STARD8: variants seen among roughly 807,000 people sequenced by gnomAD.
STARD8 encodes the protein stAR-related lipid transfer protein 8.
In STARD8, 25 loss-of-function variants were observed where a neutral mutation model predicts 69.4. The observed-to-expected ratio is 0.36, with a 90% confidence interval of 0.26 to 0.50. STARD8 has a LOEUF of 0.50. STARD8 is among the 20% of genes least tolerant of loss of function. The pLI is 0.96. For synonymous variants in STARD8, 389 were observed against 374.6 expected (o/e 1.04, Z -0.45); for missense variants, 921 against 932.5 (o/e 0.99, Z 0.16).
intron 2 of STARD8, among the ~76,000 whole-genome samples, chrX:68,697,631 G>A (rs778543489): frequency 2.7e-5 from 3 of 112,409 alleles, no homozygotes; most frequent in Admixed American, 9.3e-5. Context: ...CAGGATGAAC[G>A]TCTTTCCCAG....
intron 2 of STARD8, among the ~76,000 whole-genome samples, chrX:68,687,952 G>C (rs1309622120): frequency 8.9e-6 from 1 of 112,712 alleles, no homozygotes; most frequent in East Asian, 2.8e-4. Flanking sequence ...CAGGTACCCA[G>C]GCTGTGGGCC....
At chrX:68,716,978 G>C (rs1364579094) in intron 5 of STARD8, among the ~76,000 whole-genome samples, 1 of 111,669 alleles carries the variant, frequency 9.0e-6, no homozygotes, top group East Asian at 2.8e-4. Flanking sequence ...ATTGGAAGGG[G>C]GGTTAGATTA....
Position 68,720,433 on chromosome X carries a change from C to G in STARD8, c.2049+10C>G. 8.6e-7 allele frequency: 1 copy of G among 1,159,407 alleles called. No individual in the cohort carries two copies. ...CCAGTGCCTGGACCAAGTGAGCCCT[C>G]GTGGGGCAGCCTGCCGGGAGATGGT... On this transcript the variant is annotated intron_variant, in intron 8 of 14. Transcript: ENST00000374599.
At chrX:68,653,012 C>A (rs1044868510) in intron 1 of STARD8, among the ~76,000 whole-genome samples, 2 of 3,965 alleles carry the variant, frequency 5.0e-4, no homozygotes, top group African/African-American at 7.7e-4. Context: ...CACACACCAC[C>A]ACACACACAC....
At position 68,721,543 on chromosome X, in the gene STARD8, C is replaced by T; in HGVS notation, c.2256C>T (p.Pro752=). ...TCCATTGCTTCCTCACAGTCCTCCC[C>T]AAGGATCAGTGGTTGGCAGCAGCAC... is the stretch of plus-strand genomic sequence containing the variant. ...TTFLQIYQLL[P]KDQWLAAAQA... Residue 752 remains proline (P), a synonymous_variant, in exon 10 of 15, where the codon CCC becomes CCT. Coordinates refer to ENST00000374599, the MANE Select transcript of STARD8 (RefSeq NM_001142503.3). 1 of 1,211,458 alleles carries T rather than the reference C, an allele frequency of 8.3e-7. No individual in the cohort carries two copies. The highest frequency in any genetic ancestry group is 1.1e-6 in the Non-Finnish European group (1 of 895,312).
chrX:68,652,795 C>A (rs1264600455), intron 1 of STARD8, among the ~76,000 whole-genome samples: 1 of 64,794 alleles, frequency 1.5e-5, no homozygotes, highest in Non-Finnish European at 3.0e-5. Flanking sequence ...CACACACACA[C>A]ACCACACACC....
chrX:68,711,222 GCACACACACACA>G (rs60571538), intron 2 of STARD8, among the ~76,000 whole-genome samples: 1 of 101,826 alleles, frequency 9.8e-6, no homozygotes, highest in African/African-American at 3.6e-5. Flanking sequence ...ATGTATGCAT[GCACACACACACA>G]CACACACACA....
At chrX:68,662,863 A>G (rs2079660060) in intron 1 of STARD8, among the ~76,000 whole-genome samples, 1 of 112,434 alleles carries the variant, frequency 8.9e-6, no homozygotes, top group Non-Finnish European at 1.9e-5. Context: ...TTGTGCATGT[A>G]ATCGACTCCC....
At chrX:68,723,886 G>A in intron 13 of STARD8, 43 bp downstream of exon 13, 1 of 1,206,443 alleles carries the variant, frequency 8.3e-7, no homozygotes. Flanking sequence ...TGGGGGGCCG[G>A]AGAAGTGGGG....
chrX:68,718,447 T>C lies in STARD8; in HGVS notation c.1533T>C (p.Ser511=), dbSNP rs201764781. 1.4e-5 allele frequency: 17 copies of C among 1,210,515 alleles called. No individual in the cohort carries two copies. In the African/African-American group the frequency reaches 2.3e-4, roughly 16 times the overall value. The change falls in exon 6 of 15, where the codon TCT becomes TCC. Residue 511 remains serine, a synonymous_variant. Transcript: ENST00000374599. ...CAGGCGGGGAACCCACCTTTGCCTC[T>C]AGCCTGTCTGTGGAAGAAGGACACT... is the stretch of plus-strand genomic sequence containing the variant. ...AHSGGEPTFA[S]SLSVEEGHSI... is the part of the protein sequence containing the mutation.
At chrX:68,697,048 A>G (rs1020652321) in intron 2 of STARD8, among the ~76,000 whole-genome samples, 2 of 111,905 alleles carry the variant, frequency 1.8e-5, no homozygotes, top group Non-Finnish European at 3.8e-5. Flanking sequence ...CCATACTCTT[A>G]TCTACATCAT....
intron 1 of STARD8, among the ~76,000 whole-genome samples, chrX:68,660,123 G>A (rs2079635298): frequency 9.0e-6 from 1 of 110,883 alleles, no homozygotes. Context: ...CCCTTGGGGG[G>A]AGACAGAGGG....
At chrX:68,679,941 T>A (rs760602762) in intron 2 of STARD8, among the ~76,000 whole-genome samples, 1 of 111,634 alleles carries the variant, frequency 9.0e-6, no homozygotes, top group Non-Finnish European at 1.9e-5. Flanking sequence ...AGGGGTAGAC[T>A]TGACGCTCCG....
intron 1 of STARD8, among the ~76,000 whole-genome samples, chrX:68,652,823 A>C (rs1379580030): frequency 2.6e-4 from 8 of 30,983 alleles, no homozygotes; most frequent in Non-Finnish European, 3.5e-4. Context: ...CACCCCACAC[A>C]CCCCACACCC....
rs771893405 is a variant in STARD8 at position 68,697,346 on chromosome X, AAG to A, written c.80-15563_80-15562del. Among the ~76,000 whole-genome samples the A allele has an allele frequency of 9.5e-4, 106 of 112,099 alleles. 1 individual carries two copies. Among genetic ancestry groups the A allele is most frequent in the Non-Finnish European group, 1.5e-3 (78 of 53,171 alleles). On this transcript the variant is annotated intron_variant, in intron 2 of 14. Coordinates refer to ENST00000374599, the MANE Select transcript of STARD8 (RefSeq NM_001142503.3). ...CAGTGGCATTTGAGCTGAACCTTGG[AAG>A]AGAGGCCCAGGAAAGGTCCCAGCCC... is the stretch of plus-strand genomic sequence containing the variant.
At chrX:68,723,472 G>A (rs1286745602) in intron 12 of STARD8, among the ~76,000 whole-genome samples, 154 bp from the exon 13 acceptor site, 4 of 112,517 alleles carry the variant, frequency 3.6e-5, no homozygotes, top group African/African-American at 1.3e-4. Flanking sequence ...GGGAGCATGG[G>A]AGCACTGTCT....
Position 68,712,172 on chromosome X carries a change from T to C in STARD8, c.80-742T>C, listed in dbSNP as rs185257980. On this transcript the variant is annotated intron_variant, in intron 2 of 14. Coordinates refer to ENST00000374599, the MANE Select transcript of STARD8 (RefSeq NM_001142503.3). ...CCAAGACCCCGACAGGCCAGTACTG[T>C]GTCTTCATGACACTCAGCACTGCAC... is the stretch of plus-strand genomic sequence containing the variant. 4.9e-3 allele frequency among the ~76,000 whole-genome samples: 550 copies of C among 111,632 alleles called. 6 individuals are homozygous for C. Among genetic ancestry groups the C allele is most frequent in the African/African-American group, 0.017 (526 of 30,683 alleles).
chrX:68,673,598 T>G (rs2079743998), intron 2 of STARD8, among the ~76,000 whole-genome samples: 1 of 112,231 alleles, frequency 8.9e-6, no homozygotes, highest in Non-Finnish European at 1.9e-5. Context: ...TTCTTTTCAG[T>G]TCTAGTTTCT....
chrX:68,720,307 C>T lies in STARD8; in HGVS notation c.1933C>T (p.Arg645Trp). 5.0e-6 allele frequency: 6 copies of T among 1,207,545 alleles called. No individual in the cohort carries two copies. Among genetic ancestry groups the T allele is most frequent in the South Asian group, 3.6e-5 (2 of 55,988 alleles). Reference sequence around the variant, plus strand: ...GAGGAGGAACAAGACCCCAGATTACCGGGGACAGCACGTATTTGGGGTGCC... The same window carrying T: ...GAGGAGGAACAAGACCCCAGATTACTGGGGACAGCACGTATTTGGGGTGCC... ...FMRRNKTPDY[R>W]GQHVFGVPPL... Residue 645 changes from arginine (R) to tryptophan (W), a missense_variant, in exon 8 of 15, where the codon CGG becomes TGG. By Grantham distance (101) the Arg-to-Trp change is moderately radical (BLOSUM62 -3). Transcript: ENST00000374599.
Sources: gnomAD v4.1 joint callset for allele counts (sites outside exome capture counted in the v4.1 genomes callset) on GRCh38, gnomAD v4.1.1 for gene constraint, MANE v1.5 for transcripts, NCBI Gene and HGNC (gene_info 2026-07-23, HGNC 2026-07-21) for gene names.